SCAPER: variants seen among roughly 807,000 people sequenced by gnomAD.
SCAPER encodes S phase cyclin A-associated protein in the endoplasmic reticulum.
SCAPER carries 98 observed loss-of-function variants against 182.2 expected under a neutral mutation model. The ratio of observed to expected loss-of-function variants is 0.54; its 90% CI spans 0.46 to 0.64. The LOEUF is 0.64. SCAPER is among the 30% of genes least tolerant of loss of function. The probability of loss-of-function intolerance (pLI) is 0.00; values close to 1 mark genes in which losing one functional copy is unlikely to be tolerated. For missense variants in SCAPER, 1,432 were observed against 1,690.0 expected (o/e 0.85, Z 2.68); for synonymous variants, 605 against 564.6 (o/e 1.07, Z -1.01).
At chr15:76,879,564 A>C (rs1384050198) in intron 2 of SCAPER, among the ~76,000 whole-genome samples, 1 of 152,222 alleles carries the variant, frequency 6.6e-6, no homozygotes, top group Non-Finnish European at 1.5e-5. Flanking sequence ...AAAGACAGCA[A>C]GCCTTAAAAT....
chr15:76,666,978 T>A (rs999978707), intron 20 of SCAPER, among the ~76,000 whole-genome samples: 2 of 152,210 alleles, frequency 1.3e-5, no homozygotes, highest in Non-Finnish European at 2.9e-5. Context: ...ATCTACATCA[T>A]CAGTTTTCCC....
At position 76,701,830 on chromosome 15, in the gene SCAPER, T is replaced by A. The variant is rs1415042980; in HGVS notation, c.2436A>T (p.Lys812Asn). The A allele has an allele frequency of 1.9e-6, 3 of 1,613,786 alleles. No individual in the cohort carries two copies. The highest frequency in any genetic ancestry group is 2.5e-6 in the Non-Finnish European group (3 of 1,179,754). Residue 812 changes from lysine to asparagine, a missense_variant, in exon 20 of 32, where the codon AAA becomes AAT. By Grantham distance (94) the Lys-to-Asn change is moderately conservative. Coordinates refer to ENST00000563290, the MANE Select transcript of SCAPER (RefSeq NM_020843.4). ...TCACGGCTTGCTGGTGTTTTCTCCC[T>A]TTAACATGGCTAAAAAGATATACCT... is the stretch of plus-strand genomic sequence containing the variant. Reference protein sequence around the residue: ...SSEVYLFSHVKGRKHQQAVRE... With the variant: ...SSEVYLFSHVNGRKHQQAVRE...
intron 26 of SCAPER, among the ~76,000 whole-genome samples, chr15:76,432,095 G>C (rs2046907017): frequency 6.6e-6 from 1 of 152,234 alleles, no homozygotes; most frequent in Non-Finnish European, 1.5e-5. Flanking sequence ...CACAGCTAAG[G>C]CATGTGGCTA....
intron 15 of SCAPER, among the ~76,000 whole-genome samples, chr15:76,750,645 T>C (rs1342703149): frequency 6.6e-6 from 1 of 151,720 alleles, no homozygotes; most frequent in Non-Finnish European, 1.5e-5. Flanking sequence ...ATTAACAGAA[T>C]TAAAGAGGAA....
intron 21 of SCAPER, 77 bp from the exon 22 acceptor site, chr15:76,621,906 T>C (rs2052101745): frequency 1.9e-6 from 2 of 1,047,872 alleles, no homozygotes; most frequent in East Asian, 5.2e-5. Context: ...GCTGTATTTT[T>C]CCCCTATTAA....
At chr15:76,682,449 G>A (rs780686676) in intron 20 of SCAPER, among the ~76,000 whole-genome samples, 10 of 152,008 alleles carry the variant, frequency 6.6e-5, no homozygotes, top group East Asian at 3.9e-4. Flanking sequence ...CACTGCAAGC[G>A]CGAGTGCAAA....
chr15:76,721,593 T>C (rs1193941384), intron 17 of SCAPER, among the ~76,000 whole-genome samples: 1 of 152,106 alleles, frequency 6.6e-6, no homozygotes, highest in Non-Finnish European at 1.5e-5. Context: ...GTGTCCTCTT[T>C]TATTTCATTG....
At chr15:76,380,011 A>G (rs1168771667) in intron 28 of SCAPER, 1 of 152,212 alleles carries the variant, frequency 6.6e-6, no homozygotes, top group African/African-American at 2.4e-5. Flanking sequence ...CAGTTTTTAG[A>G]TATTTGCTAT....
chr15:76,825,047 T>A (rs1298189519), intron 5 of SCAPER, among the ~76,000 whole-genome samples: 1 of 152,166 alleles, frequency 6.6e-6, no homozygotes, highest in East Asian at 1.9e-4. Flanking sequence ...AAATGCTAAG[T>A]TATAAAGCTC....
At chr15:76,750,170 C>G (rs1302604849) in intron 15 of SCAPER, among the ~76,000 whole-genome samples, 1 of 146,922 alleles carries the variant, frequency 6.8e-6, no homozygotes, top group African/African-American at 2.6e-5. Context: ...CAGTACATAT[C>G]CATATGAAAA....
chr15:76,664,617 G>C (rs1396928411), intron 21 of SCAPER, among the ~76,000 whole-genome samples: 1 of 152,058 alleles, frequency 6.6e-6, no homozygotes, highest in Non-Finnish European at 1.5e-5. Context: ...CCAAGAGAAT[G>C]TGAACATTAA....
chr15:76,871,280 G>A (rs1353805510), intron 2 of SCAPER, among the ~76,000 whole-genome samples: 1 of 151,478 alleles, frequency 6.6e-6, no homozygotes, highest in Admixed American at 6.6e-5. Context: ...ATGGTGGTGG[G>A]AGCCTGTAGT....
Position 76,841,847 on chromosome 15 carries a change from G to T in SCAPER, c.280C>A (p.Arg94=). ...DKSPTKTRHP[R]KIDLRARYWA... ...TATCGAGCTCTTAGATCAATTTTCC[G>T]AGGGTGCCTTGTTTTAGTGGGACTT... The change falls in exon 5 of 32, where the codon CGG becomes AGG. Residue 94 remains arginine (R), a synonymous_variant. Transcript: ENST00000563290. 1 of 1,613,918 alleles carries T rather than the reference G, an allele frequency of 6.2e-7. No homozygotes were observed. The highest frequency in any genetic ancestry group is 8.5e-7 in the Non-Finnish European group (1 of 1,179,852).
rs1221089269 is a variant in SCAPER, at chr15:76,800,279, T to C, written c.580A>G (p.Thr194Ala). Residue 194 changes from threonine to alanine, a missense_variant, in exon 7 of 32, where the codon ACA becomes GCA. Physicochemically the swap from Thr to Ala is moderately conservative, Grantham distance 58. Transcript: ENST00000563290. ...TTTAAGCTTCGTCGAGCATTTGATG[T>C]TACATTTATTCTATCTGTTGATGGA... ...PSPSTDRINV[T>A]SNARRSLNFG... 6.2e-7 allele frequency: 1 copy of C among 1,613,028 alleles called. No homozygotes were observed. Among genetic ancestry groups the C allele is most frequent in the African/African-American group, 1.3e-5 (1 of 75,020 alleles).
Position 76,348,068 on chromosome 15 carries a change from CG to C in SCAPER, c.*564del, listed in dbSNP as rs2040298797. The C allele has an allele frequency of 6.6e-6, 1 of 152,206 alleles. No individual in the cohort carries two copies. The highest frequency in any genetic ancestry group is 6.5e-5 in the Admixed American group (1 of 15,286). The allele number at this position is 152,206 out of a possible 1,614,324, so 9.4% of individuals were successfully genotyped here. ...GAGAGGATTATCTGCTAGGAGAGTT[CG>C]GGCAGACCAATGAATACAACGCCCT... On this transcript the variant is annotated 3_prime_UTR_variant, in exon 32 of 32. Transcript: ENST00000563290.
At chr15:76,507,361 C>T (rs758467569) in intron 23 of SCAPER, among the ~76,000 whole-genome samples, 12 of 152,110 alleles carry the variant, frequency 7.9e-5, no homozygotes, top group South Asian at 4.1e-4. Context: ...GCATCTAAAA[C>T]CGAGGGAAAA....
At chr15:76,475,396 A>G (rs1403621412) in intron 24 of SCAPER, among the ~76,000 whole-genome samples, 2 of 151,634 alleles carry the variant, frequency 1.3e-5, no homozygotes, top group Non-Finnish European at 2.9e-5. Context: ...GCATGATCTC[A>G]GCTCACTGCA....
intron 22 of SCAPER, among the ~76,000 whole-genome samples, chr15:76,582,901 T>C (rs1158182504): frequency 6.6e-6 from 1 of 152,196 alleles, no homozygotes; most frequent in Admixed American, 6.5e-5. Context: ...GAGAACTGGA[T>C]ATCCATACTC....
At chr15:76,712,483 C>T (rs371224591) in intron 17 of SCAPER, among the ~76,000 whole-genome samples, 374 of 152,114 alleles carry the variant, frequency 2.5e-3, no homozygotes, top group Non-Finnish European at 3.1e-3. Context: ...AGAAAGTCAT[C>T]GGTAGCTTGA....
Sources: allele counts gnomAD v4.1 joint callset (sites outside exome capture counted in the v4.1 genomes callset), GRCh38; gene constraint gnomAD v4.1.1; transcripts MANE v1.5; gene names NCBI Gene and HGNC (gene_info 2026-07-23, HGNC 2026-07-21).